The following TMEM50B variants were observed in gnomAD, a reference collection of about 807,000 sequenced individuals.
TMEM50B encodes the protein HCV p7-trans-regulated protein 3.
TMEM50B carries 14 observed loss-of-function variants against 23.4 expected under a neutral mutation model. The ratio of observed to expected loss-of-function variants is 0.60; its 90% confidence interval spans 0.39 to 0.93. The LOEUF is 0.93. Ranked by LOEUF, TMEM50B falls within the 40% of genes least tolerant of loss-of-function variation. TMEM50B has a pLI of 0.00. For synonymous variants in TMEM50B, 64 were observed against 62.3 expected (o/e 1.03, Z -0.13); for missense variants, 159 against 193.0 (o/e 0.82, Z 1.04).
At chr21:33,469,645 T>C (rs1200265166) in intron 1 of TMEM50B, 1 of 152,188 alleles carries the variant, frequency 6.6e-6, no homozygotes, top group Non-Finnish European at 1.5e-5. Flanking sequence ...ATGGAGCATC[T>C]GCCTGGTTCT....
At chr21:33,447,858 T>C (rs926806270), downstream of TMEM50B, among the ~76,000 whole-genome samples, 1 of 152,182 alleles carries the variant, frequency 6.6e-6, no homozygotes, top group African/African-American at 2.4e-5. Context: ...TCAGATTCAA[T>C]GACCACTGAA....
At position 33,438,731 on chromosome 21, in the gene TMEM50B, C is replaced by CTT. The variant is rs200509447; in HGVS notation, c.*2120+481_*2120+482dup. 4.0e-3 allele frequency among the ~76,000 whole-genome samples: 595 copies of CTT among 147,834 alleles called. 11 individuals carry two copies. The highest frequency in any genetic ancestry group is 0.012 in the African/African-American group (505 of 40,420). On this transcript the variant is annotated intron_variant and NMD_transcript_variant, in intron 8 of 8. Coordinates refer to the TMEM50B transcript ENST00000420455. ...CCCTGTACTGCTGGTAAGAAAGTGGCTTTTTTTTTTTCTTTTGAGACAGAG... is the reference window on the plus strand; with the variant it reads ...CCCTGTACTGCTGGTAAGAAAGTGGCTTTTTTTTTTTTTCTTTTGAGACAGAG...
intron 3 of TMEM50B, among the ~76,000 whole-genome samples, chr21:33,466,762 C>T (rs771933704): frequency 1.2e-4 from 16 of 135,242 alleles, no homozygotes; most frequent in Non-Finnish European, 2.1e-4. Context: ...TGTAACTGAC[C>T]AGATTTAAAA....
chr21:33,437,727 T>C (rs1369522755), intron 8 of TMEM50B, among the ~76,000 whole-genome samples: 1 of 152,190 alleles, frequency 6.6e-6, no homozygotes, highest in Non-Finnish European at 1.5e-5. Context: ...CCCACGCCTA[T>C]AATCCCAGCA....
intron 6 of TMEM50B, among the ~76,000 whole-genome samples, chr21:33,454,102 CAAAAAAAA>C (rs35393378): frequency 1.0e-5 from 1 of 100,320 alleles, no homozygotes; most frequent in Admixed American, 1.3e-4. Context: ...GAATCCAGCT[CAAAAAAAA>C]AAAAAAAAAA....
chr21:33,456,762 T>C (rs887947540), intron 5 of TMEM50B, among the ~76,000 whole-genome samples: 4 of 152,194 alleles, frequency 2.6e-5, no homozygotes, highest in African/African-American at 4.8e-5. Context: ...GGCATTGTAA[T>C]AGCACCTACT....
chr21:33,443,750 G>T (rs907325001), intron 7 of TMEM50B, among the ~76,000 whole-genome samples: 1 of 152,162 alleles, frequency 6.6e-6, no homozygotes, highest in Non-Finnish European at 1.5e-5. Context: ...TGTTTGGGGG[G>T]AAATATACAC....
In TMEM50B at chr21:33,450,739, T is replaced by G; in HGVS notation, c.*79A>C. On this transcript the variant is annotated 3_prime_UTR_variant, in exon 7 of 7. Transcript: ENST00000542230. ...CATTTAATGTACAATCTACTCCATT[T>G]GGCAATGTGTACTGAGAGATAAAAA... The G allele has an allele frequency of 9.4e-7, 1 of 1,066,452 alleles. No homozygotes were observed. The allele number at this position is 1,066,452 out of a possible 1,614,324, so 66.1% of individuals were successfully genotyped here. A position where few individuals can be genotyped will look rare whatever the true frequency, so the allele number is the denominator to read the frequency against.
At chr21:33,454,102 C>CA (rs35393378) in intron 6 of TMEM50B, among the ~76,000 whole-genome samples, 66,598 of 100,196 alleles carry the variant, frequency 0.66, 22,287 homozygotes, top group African/African-American at 0.82. Flanking sequence ...GAATCCAGCT[C>CA]AAAAAAAAAA....
At chr21:33,465,101 A>G (rs565545005) in intron 4 of TMEM50B, 1 of 402,834 alleles carries the variant, frequency 2.5e-6, no homozygotes, top group African/African-American at 2.0e-5. Flanking sequence ...TCCAAGATCC[A>G]TTTGAATAGC....
Position 33,468,902 on chromosome 21 carries a change from T to C in TMEM50B, c.-17A>G, listed in dbSNP as rs1265805490. 5 of 1,595,296 alleles carry C rather than the reference T, an allele frequency of 3.1e-6. No individual in the cohort carries two copies. The highest frequency in any genetic ancestry group is 4.3e-6 in the Non-Finnish European group (5 of 1,164,444). On this transcript the variant is annotated 5_prime_UTR_variant, in exon 2 of 7. The change abolishes an upstream ATG in the 5' untranslated region. Coordinates refer to ENST00000542230, the MANE Select transcript of TMEM50B (RefSeq NM_006134.7). ...GCCTGCCATTTTTACTTCTTAAGCATAAATTTTTCATTAAATGCTGTATCC... is the reference window on the plus strand; with the variant it reads ...GCCTGCCATTTTTACTTCTTAAGCACAAATTTTTCATTAAATGCTGTATCC...
intron 1 of TMEM50B, among the ~76,000 whole-genome samples, chr21:33,474,202 G>T (rs958971633): frequency 6.7e-6 from 1 of 150,258 alleles, no homozygotes; most frequent in Admixed American, 6.7e-5. Context: ...GGAGGGGGTT[G>T]TTGTTGTTTT....
intron 6 of TMEM50B, among the ~76,000 whole-genome samples, chr21:33,453,660 C>T (rs1298222451): frequency 6.6e-6 from 1 of 151,992 alleles, no homozygotes; most frequent in Admixed American, 6.6e-5. Context: ...AACTAGACCA[C>T]AGTACATCGT....
chr21:33,440,584 A>G (rs1219627050), intron 7 of TMEM50B, among the ~76,000 whole-genome samples: 1 of 151,056 alleles, frequency 6.6e-6, no homozygotes, highest in Non-Finnish European at 1.5e-5. Flanking sequence ...CTCTGTCTCA[A>G]AAATAATAAT....
chr21:33,452,649 A>C (rs943680368), intron 6 of TMEM50B, among the ~76,000 whole-genome samples: 1 of 152,194 alleles, frequency 6.6e-6, no homozygotes, highest in Non-Finnish European at 1.5e-5. Context: ...AAAGCTTAAG[A>C]GACATAAAAG....
chr21:33,440,187 A>T (rs2083995429), intron 7 of TMEM50B, among the ~76,000 whole-genome samples: 1 of 152,236 alleles, frequency 6.6e-6, no homozygotes, highest in South Asian at 2.1e-4. Flanking sequence ...CCGTGTGCTA[A>T]GAATAGCTTT....
chr21:33,477,609 G>T (rs1001610373), intron 1 of TMEM50B, among the ~76,000 whole-genome samples: 54 of 9,400 alleles, frequency 5.7e-3, no homozygotes, highest in Non-Finnish European at 7.6e-3. Flanking sequence ...GGCCGAGGCG[G>T]GGGGGGGTTA....
intron 1 of TMEM50B, among the ~76,000 whole-genome samples, chr21:33,473,409 C>A (rs2084336087): frequency 6.8e-6 from 1 of 146,530 alleles, no homozygotes. Context: ...GCTGAGATCG[C>A]ACCACTGCAC....
chr21:33,462,264 G>T (rs1180170451), intron 4 of TMEM50B, among the ~76,000 whole-genome samples: 1 of 152,070 alleles, frequency 6.6e-6, no homozygotes, highest in Non-Finnish European at 1.5e-5. Flanking sequence ...AGCAATACCT[G>T]GGCATGACTA....
Sources: gnomAD v4.1 joint callset for allele counts (sites outside exome capture counted in the v4.1 genomes callset) on GRCh38, gnomAD v4.1.1 for gene constraint, MANE v1.5 for transcripts, NCBI Gene and HGNC (gene_info 2026-07-23, HGNC 2026-07-21) for gene names.